The following BLVRA variants were observed in gnomAD, a reference collection of about 807,000 sequenced individuals.
BLVRA encodes the protein BVR A.
Under a neutral mutation model 32.8 loss-of-function variants are expected in BLVRA, and 22 were observed. The observed-to-expected ratio is 0.67, with a 90% CI of 0.48 to 0.96. BLVRA has a LOEUF of 0.96. Ranked by LOEUF, BLVRA falls within the 40% of genes least tolerant of loss-of-function variation. The pLI is 0.00. For synonymous variants in BLVRA, 119 were observed against 141.3 expected (o/e 0.84, Z 1.12); for missense variants, 323 against 358.1 (o/e 0.90, Z 0.79).
chr7:43,765,234 C>G (rs1190127736), intron 1 of BLVRA, among the ~76,000 whole-genome samples: 1 of 152,176 alleles, frequency 6.6e-6, no homozygotes, highest in Admixed American at 6.5e-5. Flanking sequence ...CAGGAACTAA[C>G]TCAAGATTCT....
chr7:43,791,732 T>C (rs2095786339), intron 4 of BLVRA: 1 of 253,730 alleles, frequency 3.9e-6, no homozygotes, highest in Non-Finnish European at 7.9e-6. Context: ...TGGCAAATTA[T>C]CATACTCCCT....
chr7:43,785,343 A>G (rs1263138829), intron 2 of BLVRA, among the ~76,000 whole-genome samples: 2 of 151,852 alleles, frequency 1.3e-5, no homozygotes, highest in East Asian at 1.9e-4. Context: ...AAAAAAAAAA[A>G]AAAAGAAAAG....
At position 43,791,370 on chromosome 7, in the gene BLVRA, TG is replaced by T. The variant is rs978804806; in HGVS notation, c.254+5del. 3 of 1,613,984 alleles carry T rather than the reference TG, an allele frequency of 1.9e-6. No homozygotes were observed. In the African/African-American group the frequency reaches 4.0e-5, roughly 22 times the overall value. Reference sequence around the variant, plus strand: ...CTCCAGCCATGAGGACTACATCAGGTGGGTTTTCCACACAGGCAGTCCTTGC... The same window carrying T: ...CTCCAGCCATGAGGACTACATCAGGTGGTTTTCCACACAGGCAGTCCTTGC... On this transcript the variant is annotated splice_donor_region_variant and intron_variant, in intron 4 of 7. Coordinates refer to ENST00000265523, the MANE Select transcript of BLVRA (RefSeq NM_000712.4).
chr7:43,795,513 CAAACA>C (rs779116126), intron 5 of BLVRA, among the ~76,000 whole-genome samples: 1 of 151,794 alleles, frequency 6.6e-6, no homozygotes, highest in Non-Finnish European at 1.5e-5. Flanking sequence ...AGACTCTGCT[CAAACA>C]AAACAAAACA....
intron 1 of BLVRA, among the ~76,000 whole-genome samples, chr7:43,770,491 T>C (rs142575900): frequency 5.9e-5 from 9 of 152,212 alleles, no homozygotes; most frequent in South Asian, 2.1e-4. Flanking sequence ...CCCAGAAATA[T>C]GCATTTTCAA....
intron 6 of BLVRA, among the ~76,000 whole-genome samples, chr7:43,803,013 C>T (rs1367684440): frequency 6.6e-6 from 1 of 152,140 alleles, no homozygotes; most frequent in Non-Finnish European, 1.5e-5. Context: ...GGACTACAGG[C>T]GTGAGCCACC....
chr7:43,791,016 G>T (rs988465682), intron 3 of BLVRA, among the ~76,000 whole-genome samples: 1 of 152,176 alleles, frequency 6.6e-6, no homozygotes, highest in African/African-American at 2.4e-5. Flanking sequence ...ACTCTCCCAG[G>T]TCATACACGC....
chr7:43,791,750 T>C (rs1417894216), intron 4 of BLVRA: 7 of 225,530 alleles, frequency 3.1e-5, no homozygotes, highest in Non-Finnish European at 6.3e-5. Flanking sequence ...CCTTCTCAGT[T>C]TGGATCAGCT....
chr7:43,778,054 T>C (rs1329993562), intron 2 of BLVRA, among the ~76,000 whole-genome samples: 4 of 152,216 alleles, frequency 2.6e-5, no homozygotes, highest in African/African-American at 4.8e-5. Flanking sequence ...CTAATTTTTT[T>C]TCAAAGTTTT....
rs1209568340 is a variant in BLVRA, at chr7:43,763,537, G to C, written c.-22+4803G>C. Among the ~76,000 whole-genome samples the C allele has an allele frequency of 3.3e-5, 5 of 152,142 alleles. No homozygotes were observed. In the East Asian group the frequency reaches 9.6e-4, roughly 29 times the overall value. ...GCTCTACTTCTTAGGGATATTGTGG[G>C]AATAAAAGGAAATAGGCAAAAAATG... On this transcript the variant is annotated intron_variant, in intron 1 of 7. Transcript: ENST00000265523.
Position 43,762,323 on chromosome 7 carries a change from T to C in BLVRA, c.-22+3589T>C, listed in dbSNP as rs201369007. On this transcript the variant is annotated intron_variant, in intron 1 of 7. Transcript: ENST00000265523. Reference sequence around the variant, plus strand: ...TAGATGCCAATGGCACATACCCTTTTCCCCCCGAGTACAACAATCAGAAAT... The same window carrying C: ...TAGATGCCAATGGCACATACCCTTTCCCCCCCGAGTACAACAATCAGAAAT... 6.6e-5 allele frequency among the ~76,000 whole-genome samples: 10 copies of C among 151,930 alleles called. No individual in the cohort carries two copies. The East Asian group carries it at 1.8e-3, about 27-fold the overall frequency.
At chr7:43,798,335 AC>A (rs1055166499) in intron 5 of BLVRA, among the ~76,000 whole-genome samples, 10 of 150,496 alleles carry the variant, frequency 6.6e-5, no homozygotes, top group African/African-American at 2.2e-4. Flanking sequence ...GGGCTTTTCC[AC>A]TGAAAGTTAC....
At chr7:43,806,933 T>C in intron 7 of BLVRA, 44 bp from the exon 8 acceptor site, 1 of 1,611,526 alleles carries the variant, frequency 6.2e-7, no homozygotes, top group South Asian at 1.1e-5. Context: ...ACTTGTGCTC[T>C]TGTGTAATCT....
At chr7:43,804,688 A>C (rs1429904661) in intron 7 of BLVRA, among the ~76,000 whole-genome samples, 1 of 152,174 alleles carries the variant, frequency 6.6e-6, no homozygotes, top group Non-Finnish European at 1.5e-5. Flanking sequence ...ACCCTGTCAC[A>C]CTGTTCCCAA....
chr7:43,800,799 G>A (rs138349471), intron 6 of BLVRA, among the ~76,000 whole-genome samples: 252 of 152,246 alleles, frequency 1.7e-3, no homozygotes, highest in Middle Eastern at 0.01. Context: ...TAACTAGTTG[G>A]AGATTATTTT....
intron 2 of BLVRA, among the ~76,000 whole-genome samples, chr7:43,782,328 AAGAAGGAC>A (rs1003568879): frequency 6.6e-6 from 1 of 152,194 alleles, no homozygotes; most frequent in Non-Finnish European, 1.5e-5. Context: ...AGAAAGACAG[AAGAAGGAC>A]CATCGGCCAC....
At chr7:43,789,716 C>T (rs1045560827) in intron 3 of BLVRA, among the ~76,000 whole-genome samples, 2 of 152,168 alleles carry the variant, frequency 1.3e-5, no homozygotes, top group Non-Finnish European at 2.9e-5. Context: ...AGTACTCACA[C>T]TGTTTCCCTC....
chr7:43,797,761 T>C (rs919809410), intron 5 of BLVRA, among the ~76,000 whole-genome samples: 3 of 152,228 alleles, frequency 2.0e-5, no homozygotes, highest in African/African-American at 7.2e-5. Flanking sequence ...TTTAGTGTCC[T>C]TCATTCTGGA....
In BLVRA at chr7:43,787,633, A is replaced by G. The variant is rs751393097; in HGVS notation, c.13-271A>G. 3.9e-5 allele frequency among the ~76,000 whole-genome samples: 6 copies of G among 152,166 alleles called. No homozygotes were observed. The highest frequency in any genetic ancestry group is 8.8e-5 in the Non-Finnish European group (6 of 68,032). On this transcript the variant is annotated intron_variant, in intron 2 of 7. Transcript: ENST00000265523. This position sits in a 1 kb window ranked among gnomAD's most constrained non-coding sequence, Gnocchi z 4.5. The stretch of plus-strand genomic sequence containing the variant: ...GATGGGGCAGTAGAAGTGGAGAGCC[A>G]AATTGGGGGAACACTTTCTGTGGGT...
Sources: allele counts gnomAD v4.1 joint callset (sites outside exome capture counted in the v4.1 genomes callset), GRCh38; gene constraint gnomAD v4.1.1; non-coding constraint Gnocchi (gnomAD v3.1); transcripts MANE v1.5; gene names NCBI Gene and HGNC (gene_info 2026-07-23, HGNC 2026-07-21).